The following TOP6BL variants were observed in gnomAD, a reference collection of about 807,000 sequenced individuals.
The protein encoded by TOP6BL is type 2 DNA topoisomerase 6 subunit B-like.
At chr11:66,770,628 C>G in the TOP6BL span, among the ~76,000 whole-genome samples, 1 of 152,162 alleles carries the variant, frequency 6.6e-6, no homozygotes, top group Non-Finnish European at 1.5e-5. Flanking sequence ...GGCTTGAACT[C>G]AGAAGGTGGA....
At chr11:66,813,624 T>TGGC in the TOP6BL span, among the ~76,000 whole-genome samples, 1 of 152,094 alleles carries the variant, frequency 6.6e-6, no homozygotes, top group Non-Finnish European at 1.5e-5. Context: ...TCCCAGCTAC[T>TGGC]TGGGAGGCTG....
At chr11:66,824,656 C>A in the TOP6BL span, among the ~76,000 whole-genome samples, 1 of 136,594 alleles carries the variant, frequency 7.3e-6, no homozygotes, top group Non-Finnish European at 1.5e-5. Context: ...TCCATGTGTT[C>A]TCATTGTTCA....
chr11:66,783,984 C>T, the TOP6BL span, among the ~76,000 whole-genome samples: 1 of 152,004 alleles, frequency 6.6e-6, no homozygotes, highest in Non-Finnish European at 1.5e-5. Context: ...CACCACCACA[C>T]CTAGTTAATT....
the TOP6BL span, among the ~76,000 whole-genome samples, chr11:66,838,860 T>C: frequency 6.6e-6 from 1 of 152,036 alleles, no homozygotes; most frequent in East Asian, 1.9e-4. Context: ...GCCTCCCGAG[T>C]AGCTGGGACC....
At chr11:66,827,924 C>T in the TOP6BL span, among the ~76,000 whole-genome samples, 4 of 131,602 alleles carry the variant, frequency 3.0e-5, no homozygotes, top group African/African-American at 1.2e-4. Context: ...AAGATTGTGC[C>T]ACTGCACTCC....
At chr11:66,776,838 C>G in the TOP6BL span, among the ~76,000 whole-genome samples, 1 of 151,994 alleles carries the variant, frequency 6.6e-6, no homozygotes, top group Non-Finnish European at 1.5e-5. Context: ...CCACTTGACT[C>G]TGGTAGTAGA....
chr11:66,783,666 C>T, the TOP6BL span, among the ~76,000 whole-genome samples: 1 of 152,038 alleles, frequency 6.6e-6, no homozygotes, highest in East Asian at 1.9e-4. Flanking sequence ...GTTCAGATAG[C>T]ACTTACATCT....
At chr11:66,801,193 C>A in the TOP6BL span, 2 of 1,352,310 alleles carry the variant, frequency 1.5e-6, no homozygotes, top group South Asian at 2.5e-5. Context: ...TCTCACTTGT[C>A]ATTTGTAAGT....
chr11:66,822,562 A>C, the TOP6BL span: 2 of 1,539,552 alleles, frequency 1.3e-6, no homozygotes, highest in Non-Finnish European at 1.8e-6. Context: ...TATGTTCCCC[A>C]GGCTCAGCAG....
chr11:66,802,455 T>C, the TOP6BL span, among the ~76,000 whole-genome samples: 142 of 152,136 alleles, frequency 9.3e-4, no homozygotes, highest in Non-Finnish European at 1.5e-3. Context: ...GCCCAGCCCA[T>C]ATACTGCTAA....
At chr11:66,758,302 C>CTTTTTTTTTTTCTTTTTTTTTT in the TOP6BL span, 1 of 67,318 alleles carries the variant, frequency 1.5e-5, no homozygotes, top group African/African-American at 7.1e-5. Context: ...TTTTCTTTTT[C>CTTTTTTTTTTTCTTTTTTTTTT]TTTTTTTTTT....
At chr11:66,842,869 A>G in the TOP6BL span, 1 of 1,573,134 alleles carries the variant, frequency 6.4e-7, no homozygotes, top group Admixed American at 1.9e-5. Flanking sequence ...GCAAGCAGAA[A>G]ACAAGAGGCT....
At chr11:66,836,653 G>T in the TOP6BL span, among the ~76,000 whole-genome samples, 1 of 149,344 alleles carries the variant, frequency 6.7e-6, no homozygotes, top group African/African-American at 2.5e-5. Flanking sequence ...AGGAGTTTGA[G>T]ACCAGCCTGG....
At chr11:66,796,482 T>C in the TOP6BL span, 1 of 779,174 alleles carries the variant, frequency 1.3e-6, no homozygotes, top group East Asian at 2.7e-5. Flanking sequence ...ATGAAGATGA[T>C]TAAAACGTTT....
the TOP6BL span, among the ~76,000 whole-genome samples, chr11:66,799,417 C>T: frequency 6.6e-6 from 1 of 151,100 alleles, no homozygotes; most frequent in Non-Finnish European, 1.5e-5. Flanking sequence ...TTTTTCCTGG[C>T]TGAGCACGGT....
At chr11:66,819,667 C>T in the TOP6BL span, among the ~76,000 whole-genome samples, 8 of 151,582 alleles carry the variant, frequency 5.3e-5, no homozygotes, top group Non-Finnish European at 1.2e-4. Context: ...TTTGGGAGGC[C>T]GAGGCGGGCG....
the TOP6BL span, among the ~76,000 whole-genome samples, chr11:66,826,501 G>T: frequency 1.3e-5 from 2 of 152,122 alleles, no homozygotes; most frequent in Admixed American, 1.3e-4. Context: ...GAGTCAAAGT[G>T]TATAACACAT....
the TOP6BL span, among the ~76,000 whole-genome samples, chr11:66,757,489 T>C: frequency 6.6e-6 from 1 of 152,208 alleles, no homozygotes; most frequent in African/African-American, 2.4e-5. Context: ...AAAACTTCTT[T>C]GTGATGATGG....
At chr11:66,821,587 A>T in the TOP6BL span, 83 of 1,533,988 alleles carry the variant, frequency 5.4e-5, no homozygotes, top group East Asian at 1.9e-3. Context: ...GCTTTTGCAG[A>T]TGCACAGTGA....
Sources: allele counts gnomAD v4.1 joint callset (sites outside exome capture counted in the v4.1 genomes callset), GRCh38; gene constraint gnomAD v4.1.1; transcripts MANE v1.5; gene names NCBI Gene and HGNC (gene_info 2026-07-23, HGNC 2026-07-21).